Variants in CHTF18 observed in about 807,000 individuals in gnomAD.
The protein encoded by CHTF18 is chromosome transmission fidelity factor 18.
In CHTF18, 151 loss-of-function variants were observed where a neutral mutation model predicts 113.4. That is an observed-to-expected ratio of 1.33 (90% CI 1.17 to 1.52). The LOEUF (loss-of-function observed/expected upper bound fraction) is 1.52, where lower values mean the gene tolerates loss of function less well. CHTF18 is among the 40% of genes most tolerant of loss of function. The pLI, the probability that CHTF18 is intolerant of heterozygous loss-of-function variation, is 0.00. For missense variants in CHTF18, 1,982 were observed against 1,381.6 expected (o/e 1.43, Z -6.89); for synonymous variants, 916 against 598.8 (o/e 1.53, Z -7.74).
chr16:792,251 C>T lies in CHTF18; in HGVS notation c.1230C>T (p.Arg410=), dbSNP rs2151644339. The T allele has an allele frequency of 6.4e-7, 1 of 1,567,362 alleles. No homozygotes were observed. ...ASDDRSPEVF[R]TRIEAATQME... ...ACGACCGTAGCCCGGAGGTCTTCCGCACACGCATCGAGGCGGCCACCCAGA... is the reference window on the plus strand; with the variant it reads ...ACGACCGTAGCCCGGAGGTCTTCCGTACACGCATCGAGGCGGCCACCCAGA... The change falls in exon 10 of 22, where the codon CGC becomes CGT. Residue 410 remains arginine (R), a synonymous_variant. Transcript: ENST00000262315.
chr16:797,508 T>C (rs1013143067), intron 20 of CHTF18, among the ~76,000 whole-genome samples, 186 bp from the exon 21 acceptor site: 1 of 152,054 alleles, frequency 6.6e-6, no homozygotes, highest in Non-Finnish European at 1.5e-5. Flanking sequence ...CTCTTCTTGA[T>C]TGGCACCTGG....
intron 14 of CHTF18, 73 bp from the exon 15 acceptor site, chr16:793,981 T>G: frequency 6.6e-7 from 1 of 1,523,056 alleles, no homozygotes; most frequent in East Asian, 2.3e-5. Context: ...GGCCTCTGAG[T>G]GTCCCGGGGA....
At chr16:795,060 G>T in intron 15 of CHTF18, 72 bp from the exon 16 acceptor site, 1 of 1,223,662 alleles carries the variant, frequency 8.2e-7, no homozygotes. Flanking sequence ...TCTGTGGCGG[G>T]AGGTGGAGGG....
At chr16:796,108 A>G (rs375265565) in intron 18 of CHTF18, 31 bp downstream of exon 18, 585 of 1,585,986 alleles carry the variant, frequency 3.7e-4, no homozygotes, top group Middle Eastern at 1.9e-3. Flanking sequence ...GGTGTGCTCC[A>G]GGGTCATGCT....
rs201167496 is a variant in CHTF18 at position 792,800 on chromosome 16, C to G, written c.1561C>G (p.Arg521Gly). ...PPTLPSRLVQ[R>G]LQEVSLRQGM... Reference sequence around the variant, plus strand: ...GACTCTGCCCTCGAGGCTGGTGCAGCGGCTCCAGGAGGTCGGTGGAGCCCC... The same window carrying G: ...GACTCTGCCCTCGAGGCTGGTGCAGGGGCTCCAGGAGGTCGGTGGAGCCCC... Residue 521 changes from arginine (R) to glycine (G), a missense_variant, in exon 12 of 22, where the codon CGG (arginine) becomes GGG (glycine). Arg to Gly is a moderately radical substitution (Grantham distance 125). Transcript: ENST00000262315. The G allele has an allele frequency of 1.3e-3, 2,001 of 1,541,644 alleles. 21 individuals carry two copies. In the African/African-American group the frequency reaches 0.025, roughly 19 times the overall value.
At chr16:790,098 C>T (rs532222240) in intron 4 of CHTF18, 79 bp from the exon 5 acceptor site, 2 of 1,540,516 alleles carry the variant, frequency 1.3e-6, no homozygotes, top group East Asian at 2.4e-5. Flanking sequence ...CCACCCGGGT[C>T]CCTGAGCACT....
rs1036144172 is a variant in CHTF18, at chr16:789,877, C to T, written c.606+162C>T. 9.0e-6 allele frequency: 12 copies of T among 1,339,860 alleles called. No individual in the cohort carries two copies. The African/African-American group carries it at 1.2e-4, about 13-fold the overall frequency. The allele number at this position is 1,339,860 out of a possible 1,614,324, so 83.0% of individuals were successfully genotyped here. ...TCATGGGGCGTAGACTTAGAGGACA[C>T]AGCCTCCCCACAGCAGGTTGCTGTC... On this transcript the variant is annotated intron_variant, in intron 4 of 21. Transcript: ENST00000262315.
In CHTF18 at chr16:793,214, A is replaced by G; in HGVS notation, c.1742A>G (p.Asp581Gly). Residue 581 changes from aspartate to glycine, a missense_variant, in exon 14 of 22, where the codon GAC becomes GGC. Transcript: ENST00000262315. ...CAGGCCACACGCGTGGGCCTCAAGG[A>G]CCAGCGCAGAGGGCTCTTCTCGGTG... ...DVQATRVGLK[D>G]QRRGLFSVWQ... 5.0e-6 allele frequency: 8 copies of G among 1,608,732 alleles called. No homozygotes were observed. The highest frequency in any genetic ancestry group is 6.8e-6 in the Non-Finnish European group (8 of 1,178,822).
In CHTF18 at chr16:795,782, T is replaced by C; in HGVS notation, c.2273T>C (p.Leu758Pro). The C allele has an allele frequency of 6.2e-7, 1 of 1,609,600 alleles. No individual in the cohort carries two copies. Among genetic ancestry groups the C allele is most frequent in the Non-Finnish European group, 8.5e-7 (1 of 1,178,978 alleles). The change falls in exon 17 of 22, where the codon CTC (leucine) becomes CCC (proline). Residue 758 changes from leucine to proline, a missense_variant. Leu to Pro is a moderately conservative substitution (Grantham distance 98, BLOSUM62 -3). Coordinates refer to ENST00000262315, the MANE Select transcript of CHTF18 (RefSeq NM_022092.3). Reference protein sequence around the residue: ...TRSRATPQALLLDALCLLLDI... With the variant: ...TRSRATPQALPLDALCLLLDI... ...AGCCGGGCCACGCCCCAGGCCCTGC[T>C]CCTCGATGCCCTCTGCCTGCTCCTG...
At chr16:789,743 T>C in intron 4 of CHTF18, 28 bp downstream of exon 4, 3 of 1,555,906 alleles carry the variant, frequency 1.9e-6, no homozygotes, top group Non-Finnish European at 2.6e-6. Context: ...TCCTGCACGG[T>C]GGGTGGGCCA....
intron 19 of CHTF18, 39 bp from the exon 20 acceptor site, chr16:796,922 C>T (rs759917765): frequency 4.0e-5 from 61 of 1,535,118 alleles, no homozygotes; most frequent in South Asian, 1.9e-4. Context: ...CCCACTGTAT[C>T]CCTGTGTGGC....
rs778570641 is a variant in CHTF18 at position 797,938 on chromosome 16, C to T, written c.2891C>T (p.Ala964Val). 9.3e-6 allele frequency: 15 copies of T among 1,612,404 alleles called. No homozygotes were observed. Among genetic ancestry groups the T allele is most frequent in the Admixed American group, 1.7e-5 (1 of 59,990 alleles). ...WFRFNEGVSN[A>V]VRRSLYIRDL... Reference sequence around the variant, plus strand: ...CGCTTCAACGAGGGTGTCTCCAACGCCGTGCGGCGCAGCCTGTACATCAGG... The same window carrying T: ...CGCTTCAACGAGGGTGTCTCCAACGTCGTGCGGCGCAGCCTGTACATCAGG... Residue 964 changes from alanine to valine, a missense_variant, in exon 22 of 22, where the codon GCC (alanine) becomes GTC (valine). By Grantham distance (64) the Ala-to-Val change is moderately conservative (BLOSUM62 0). Transcript: ENST00000262315.
Position 791,924 on chromosome 16 carries a change from A to T in CHTF18, c.1178A>T (p.Tyr393Phe), listed in dbSNP as rs1247443874. ...CACGTGATTGCGCGTCACGCGGGGT[A>T]CTCTGTGGTGGAGATGAACGCCAGG... ...LAHVIARHAG[Y>F]SVVEMNASDD... The change falls in exon 9 of 22, where the codon TAC (tyrosine) becomes TTC (phenylalanine). Residue 393 changes from tyrosine to phenylalanine, a missense_variant. Tyr to Phe is a conservative substitution (Grantham distance 22). Transcript: ENST00000262315. The T allele has an allele frequency of 1.2e-6, 2 of 1,609,210 alleles. No individual in the cohort carries two copies. Among genetic ancestry groups the T allele is most frequent in the Non-Finnish European group, 1.7e-6 (2 of 1,178,568 alleles).
chr16:795,225 C>T lies in CHTF18; in HGVS notation c.2044C>T (p.Leu682=), dbSNP rs371266128. 49 of 1,551,192 alleles carry T rather than the reference C, an allele frequency of 3.2e-5. No individual in the cohort carries two copies. Among genetic ancestry groups the T allele is most frequent in the African/African-American group, 5.5e-5 (4 of 73,068 alleles). The change falls in exon 16 of 22, where the codon CTG becomes TTG. Residue 682 remains leucine, a synonymous_variant. Transcript: ENST00000262315. ...CGACTGGCTGGCCTTCGATGACCTG[C>T]TGGCGGGGGCTGCTCATCACAGCCA... ...ALDWLAFDDL[L]AGAAHHSQSF... is the part of the protein sequence containing the mutation.
intron 9 of CHTF18, 70 bp from the exon 10 acceptor site, chr16:792,154 C>A: frequency 2.0e-6 from 3 of 1,529,770 alleles, no homozygotes; most frequent in East Asian, 2.5e-5. Flanking sequence ...AATGCGGCAG[C>A]CCCGGCCTTG....
In CHTF18 at chr16:793,037, C is replaced by G; in HGVS notation, c.1644C>G (p.Asp548Glu). 1 of 1,507,928 alleles carries G rather than the reference C, an allele frequency of 6.6e-7. No homozygotes were observed. The highest frequency in any genetic ancestry group is 8.9e-7 in the Non-Finnish European group (1 of 1,118,476). 93.4% of individuals were successfully genotyped at this position (1,507,928 alleles called of 1,614,324 possible). A position where few individuals can be genotyped will look rare whatever the true frequency, so the allele number is the denominator to read the frequency against. The stretch of plus-strand genomic sequence containing the variant: ...CCCTCTGTGAGAAAACTGACAATGA[C>G]ATCCGGGCCTGCATCAACACCCTGC... Reference protein sequence around the residue: ...LAALCEKTDNDIRACINTLQF... With the variant: ...LAALCEKTDNEIRACINTLQF... Residue 548 changes from aspartate to glutamate, a missense_variant, in exon 13 of 22, where the codon GAC becomes GAG. Transcript: ENST00000262315.
In CHTF18 at chr16:789,800, G is replaced by C. The variant is rs549321813; in HGVS notation, c.606+85G>C. 7.3e-5 allele frequency: 105 copies of C among 1,437,094 alleles called. No individual in the cohort carries two copies. In the South Asian group the frequency reaches 1.4e-3, roughly 19 times the overall value. 89.0% of individuals were successfully genotyped at this position (1,437,094 alleles called of 1,614,324 possible). The stretch of plus-strand genomic sequence containing the variant: ...TTGGAGCCCCTCACCCCTGCCATTT[G>C]CTTAAAGCGGGTCCTGTGCAGAGCC... On this transcript the variant is annotated intron_variant, in intron 4 of 21. Coordinates refer to ENST00000262315, the MANE Select transcript of CHTF18 (RefSeq NM_022092.3).
chr16:790,463 T>C (rs1411532572), intron 6 of CHTF18, 62 bp from the exon 7 acceptor site: 2 of 1,609,758 alleles, frequency 1.2e-6, no homozygotes, highest in African/African-American at 2.7e-5. Context: ...TCCTAGCTCC[T>C]AGCGTGTGGG....
chr16:797,300 G>C (rs1289873042), intron 20 of CHTF18, among the ~76,000 whole-genome samples: 1 of 151,922 alleles, frequency 6.6e-6, no homozygotes, highest in Non-Finnish European at 1.5e-5. Context: ...TATCTTTAGG[G>C]GTGGGGCCAA....
Sources: gnomAD v4.1 joint callset for allele counts (sites outside exome capture counted in the v4.1 genomes callset) on GRCh38, gnomAD v4.1.1 for gene constraint, MANE v1.5 for transcripts, NCBI Gene and HGNC (gene_info 2026-07-23, HGNC 2026-07-21) for gene names.